The following GARNL3 variants were observed in gnomAD, a reference collection of about 807,000 sequenced individuals.
GARNL3 encodes the protein GTPase activating Rap/RanGAP domain like 3.
Under a neutral mutation model 125.0 loss-of-function variants are expected in GARNL3, and 63 were observed. That is an observed-to-expected ratio of 0.50 (90% CI 0.41 to 0.62). The LOEUF is 0.62. GARNL3 is among the 20% of genes least tolerant of loss of function. GARNL3 has a pLI of 0.00. For synonymous variants in GARNL3, 439 were observed against 457.5 expected, an observed-to-expected ratio of 0.96 and a Z score of 0.52; for missense variants, 994 against 1,244.0, an observed-to-expected ratio of 0.80 and a Z score of 3.02.
rs554609892 is a variant in GARNL3, at chr9:127,371,941, AT to A, written c.2161+6583del. Among the ~76,000 whole-genome samples the A allele has an allele frequency of 4.1e-3, 624 of 152,116 alleles. 4 individuals are homozygous for A. Among genetic ancestry groups the A allele is most frequent in the Admixed American group, 7.5e-3 (115 of 15,266 alleles). ...AATTGGATAGACATGTGCAAAAAAA[AT>A]TTTTTTTGAGAAGGAGTTTAGCTCT... On this transcript the variant is annotated intron_variant, in intron 22 of 27. Coordinates refer to ENST00000373387, the MANE Select transcript of GARNL3 (RefSeq NM_032293.5).
At chr9:127,387,620 G>A (rs1228010169) in intron 25 of GARNL3, among the ~76,000 whole-genome samples, 2 of 151,744 alleles carry the variant, frequency 1.3e-5, no homozygotes, top group Non-Finnish European at 2.9e-5. Context: ...GCACACACCT[G>A]TAATCCCAGC....
intron 2 of GARNL3, among the ~76,000 whole-genome samples, chr9:127,294,297 C>CT (rs34651376): frequency 6.6e-6 from 1 of 152,138 alleles, no homozygotes; most frequent in Non-Finnish European, 1.5e-5. Context: ...CACTCCAGTG[C>CT]TTTTTTCCCA....
At chr9:127,306,880 G>A (rs1033330338) in intron 2 of GARNL3, among the ~76,000 whole-genome samples, 46 of 152,070 alleles carry the variant, frequency 3.0e-4, no homozygotes, top group Admixed American at 2.0e-4. Flanking sequence ...GCAAGACTCC[G>A]TCTCAACAAA....
At chr9:127,296,138 G>A (rs1410928079) in intron 2 of GARNL3, among the ~76,000 whole-genome samples, 1 of 152,116 alleles carries the variant, frequency 6.6e-6, no homozygotes, top group African/African-American at 2.4e-5. Flanking sequence ...GACAGGAGAC[G>A]GAGCTCAGGT....
chr9:127,316,220 C>A (rs1395486374), intron 4 of GARNL3, among the ~76,000 whole-genome samples: 2 of 152,098 alleles, frequency 1.3e-5, no homozygotes, highest in African/African-American at 4.8e-5. Context: ...GCCACACATT[C>A]CCCCGAGCTG....
At chr9:127,376,534 A>G (rs1224967374) in intron 22 of GARNL3, among the ~76,000 whole-genome samples, 1 of 152,062 alleles carries the variant, frequency 6.6e-6, no homozygotes, top group Non-Finnish European at 1.5e-5. Flanking sequence ...TTAACATTTT[A>G]ACGTCTCTGA....
chr9:127,262,456 G>T (rs2063613252), upstream of GARNL3, among the ~76,000 whole-genome samples: 1 of 152,188 alleles, frequency 6.6e-6, no homozygotes, highest in Non-Finnish European at 1.5e-5. Context: ...CATTTCAGAG[G>T]ATGTGCTGGA....
intron 14 of GARNL3, among the ~76,000 whole-genome samples, chr9:127,342,843 G>A (rs9650750): frequency 0.15 from 23,123 of 150,826 alleles, 2,376 homozygotes; most frequent in South Asian, 0.36. Context: ...TAGCCACACT[G>A]ATGAGACCCA....
chr9:127,308,781 C>T (rs901103780), intron 2 of GARNL3, among the ~76,000 whole-genome samples: 5 of 152,128 alleles, frequency 3.3e-5, no homozygotes, highest in African/African-American at 1.2e-4. Flanking sequence ...AAGAACATAG[C>T]CCTACTCTTG....
At chr9:127,296,464 CTTTTTTT>C (rs777082855) in intron 2 of GARNL3, among the ~76,000 whole-genome samples, 8 of 87,106 alleles carry the variant, frequency 9.2e-5, no homozygotes, top group South Asian at 3.8e-4. Flanking sequence ...GTAGGCATGA[CTTTTTTT>C]TTTTTTTTTT....
At chr9:127,375,049 A>G (rs1476234197) in intron 22 of GARNL3, among the ~76,000 whole-genome samples, 1 of 152,242 alleles carries the variant, frequency 6.6e-6, no homozygotes, top group East Asian at 1.9e-4. Context: ...TGGCTTTCTC[A>G]TGTGTGGCTG....
chr9:127,291,713 G>A (rs2064422501), intron 2 of GARNL3, among the ~76,000 whole-genome samples: 1 of 146,538 alleles, frequency 6.8e-6, no homozygotes, highest in South Asian at 2.2e-4. Flanking sequence ...GCAGGCCACA[G>A]GGACTCACCT....
chr9:127,289,735 T>G (rs965335276), intron 1 of GARNL3, among the ~76,000 whole-genome samples: 2 of 152,210 alleles, frequency 1.3e-5, no homozygotes, highest in African/African-American at 4.8e-5. Context: ...TCCCAGGTCT[T>G]AGAGATCACC....
At chr9:127,297,519 C>T (rs376531045) in intron 2 of GARNL3, among the ~76,000 whole-genome samples, 1 of 152,140 alleles carries the variant, frequency 6.6e-6, no homozygotes. Flanking sequence ...TAACAGCATC[C>T]ATTGCTAGCT....
chr9:127,246,595 C>A (rs1394374343), intron 2 of GARNL3, among the ~76,000 whole-genome samples: 1 of 152,120 alleles, frequency 6.6e-6, no homozygotes, highest in Non-Finnish European at 1.5e-5. Context: ...CACCTGAGGT[C>A]AGGAGTTTGA....
chr9:127,229,595 A>C (rs1265155920), intron 1 of GARNL3, among the ~76,000 whole-genome samples: 1 of 152,208 alleles, frequency 6.6e-6, no homozygotes, highest in Non-Finnish European at 1.5e-5. Context: ...TCCTGGACTT[A>C]AGCGATTCTC....
intron 22 of GARNL3, among the ~76,000 whole-genome samples, chr9:127,382,645 A>G (rs1832329422): frequency 1.3e-5 from 2 of 152,166 alleles, no homozygotes; most frequent in Non-Finnish European, 2.9e-5. Context: ...AATTTTAAAA[A>G]TGTGATGGAC....
chr9:127,380,029 A>T (rs1832156702), intron 22 of GARNL3, among the ~76,000 whole-genome samples: 1 of 152,110 alleles, frequency 6.6e-6, no homozygotes, highest in Non-Finnish European at 1.5e-5. Context: ...AAAATAAAAA[A>T]ATTAGCCAGG....
intron 21 of GARNL3, among the ~76,000 whole-genome samples, chr9:127,358,133 G>A (rs1250996209): frequency 6.6e-6 from 1 of 152,344 alleles, no homozygotes; most frequent in East Asian, 1.9e-4. Flanking sequence ...TTCTAAAGGT[G>A]ACTGTGTGGG....
Sources: gnomAD v4.1 joint callset for allele counts (sites outside exome capture counted in the v4.1 genomes callset) on GRCh38, gnomAD v4.1.1 for gene constraint, MANE v1.5 for transcripts, NCBI Gene and HGNC (gene_info 2026-07-23, HGNC 2026-07-21) for gene names.